The following DNMT3A variants were observed in gnomAD, a reference collection of about 807,000 sequenced individuals.
DNMT3A encodes DNA methyltransferase 3 alpha.
Under a neutral mutation model 117.6 loss-of-function variants are expected in DNMT3A, and 267 were observed. The observed-to-expected ratio is 2.27, with a 90% CI of 2.05 to 2.51. The LOEUF is 2.51. Among genes scored for constraint, DNMT3A ranks in the 30% most tolerant of loss-of-function variants. DNMT3A has a pLI of 0.00. For synonymous variants in DNMT3A, 432 were observed against 474.8 expected, an observed-to-expected ratio of 0.91 and a Z score of 1.17; for missense variants, 1,029 against 1,260.2, an observed-to-expected ratio of 0.82 and a Z score of 2.78.
chr2:25,300,359 C>G (rs947132801), intron 2 of DNMT3A, 116 bp from the exon 3 acceptor site: 1 of 1,184,810 alleles, frequency 8.4e-7, no homozygotes, highest in Non-Finnish European at 1.2e-6. Context: ...TCCTGTCCCA[C>G]GAGCCACACT....
chr2:25,283,037 C>T (rs573298321), intron 3 of DNMT3A, among the ~76,000 whole-genome samples: 179 of 152,210 alleles, frequency 1.2e-3, no homozygotes, highest in Non-Finnish European at 1.8e-3. Context: ...TTACATAGGA[C>T]GTCCAAGCCT....
intron 2 of DNMT3A, among the ~76,000 whole-genome samples, chr2:25,309,302 G>C (rs1257805833): frequency 1.3e-5 from 2 of 152,254 alleles, no homozygotes; most frequent in Non-Finnish European, 2.9e-5. Flanking sequence ...AAGAGGAGCT[G>C]TATGTCCAGG....
At chr2:25,279,926 A>G (rs2031761424) in intron 4 of DNMT3A, among the ~76,000 whole-genome samples, 1 of 152,070 alleles carries the variant, frequency 6.6e-6, no homozygotes, top group African/African-American at 2.4e-5. Flanking sequence ...CCTGACCTCA[A>G]GTCATCTGCC....
At chr2:25,340,675 T>A (rs901833695) in intron 1 of DNMT3A, among the ~76,000 whole-genome samples, 7 of 151,962 alleles carry the variant, frequency 4.6e-5, no homozygotes, top group Non-Finnish European at 1.0e-4. Flanking sequence ...CGTCCTTCAC[T>A]GTGCAGATGC....
intron 3 of DNMT3A, among the ~76,000 whole-genome samples, chr2:25,290,132 T>C (rs76867273): frequency 0.069 from 10,569 of 152,176 alleles, 507 homozygotes; most frequent in Non-Finnish European, 0.1. Context: ...TAACTTTTTA[T>C]TTTTATGGAA....
At chr2:25,308,596 C>T (rs182184468) in intron 2 of DNMT3A, among the ~76,000 whole-genome samples, 12 of 152,020 alleles carry the variant, frequency 7.9e-5, no homozygotes, top group African/African-American at 2.4e-4. Flanking sequence ...GCGCCATTAT[C>T]GCTGGCTGGG....
Position 25,234,572 on chromosome 2 carries a change from G to C in DNMT3A, c.2598-152C>G, listed in dbSNP as rs563802240. On this transcript the variant is annotated intron_variant, in intron 22 of 22. Transcript: ENST00000321117. This position sits in a 1 kb window ranked among gnomAD's most constrained non-coding sequence, Gnocchi z 4.5. The stretch of plus-strand genomic sequence containing the variant: ...ACACCCACCAACTCCTCTGACGCCT[G>C]CTTAGTTCTGCCGAATCTTCTGTCC... The C allele has an allele frequency of 9.1e-5, 76 of 837,766 alleles. No homozygotes were observed. In the African/African-American group the frequency reaches 1.2e-3, roughly 13 times the overall value. 51.9% of individuals were successfully genotyped at this position (837,766 alleles called of 1,614,324 possible).
rs1031997052 is a variant in DNMT3A at position 25,229,842 on chromosome 2, T to C, written c.*4437A>G. 6.6e-6 allele frequency: 1 copy of C among 152,176 alleles called. No individual in the cohort carries two copies. The highest frequency in any genetic ancestry group is 2.4e-5 in the African/African-American group (1 of 41,438). 9.4% of individuals were successfully genotyped at this position (152,176 alleles called of 1,614,324 possible). On this transcript the variant is annotated 3_prime_UTR_variant, in exon 23 of 23. Coordinates refer to ENST00000321117, the MANE Select transcript of DNMT3A (RefSeq NM_022552.5). Reference sequence around the variant, plus strand: ...TGACTGCAGTTTTCCTATAAGAACATCTCCCAGATGGCTCTGCTGAAATAT... The same window carrying C: ...TGACTGCAGTTTTCCTATAAGAACACCTCCCAGATGGCTCTGCTGAAATAT...
intron 1 of DNMT3A, among the ~76,000 whole-genome samples, chr2:25,331,955 C>T (rs1284314723): frequency 6.6e-6 from 1 of 152,000 alleles, no homozygotes; most frequent in Non-Finnish European, 1.5e-5. Context: ...GTTGGCTGAG[C>T]TAGAAACCAG....
chr2:25,243,806 A>G (rs563642007), intron 16 of DNMT3A, 92 bp downstream of exon 16: 1 of 1,323,026 alleles, frequency 7.6e-7, no homozygotes, highest in Non-Finnish European at 1.1e-6. Context: ...TGTGAAGCTA[A>G]CCATCATTTC....
rs911070224 is a variant in DNMT3A at position 25,298,173 on chromosome 2, G to A, written c.177+1966C>T. On this transcript the variant is annotated intron_variant, in intron 3 of 22. Coordinates refer to ENST00000321117, the MANE Select transcript of DNMT3A (RefSeq NM_022552.5). The surrounding 1 kb of genome is among the most constrained non-coding windows in gnomAD (Gnocchi z 4.3). ...AGCAGCAGTTCAAGGTTACACAGGT[G>A]GTCAGTGGTGGAGCCAGAATTTGAA... Among the ~76,000 whole-genome samples the A allele has an allele frequency of 1.3e-5, 2 of 152,200 alleles. No individual in the cohort carries two copies. The highest frequency in any genetic ancestry group is 6.5e-5 in the Admixed American group (1 of 15,288).
At chr2:25,274,760 G>GT (rs1347052103) in intron 6 of DNMT3A, among the ~76,000 whole-genome samples, 181 bp downstream of exon 6, 11 of 152,236 alleles carry the variant, frequency 7.2e-5, no homozygotes, top group Non-Finnish European at 1.5e-4. Flanking sequence ...ACACAGCCAG[G>GT]TATACAGTAA....
chr2:25,240,830 A>C, intron 17 of DNMT3A, 100 bp from the exon 18 acceptor site: 1 of 1,230,016 alleles, frequency 8.1e-7, no homozygotes, highest in African/African-American at 1.5e-5. Flanking sequence ...AAGTCCTTTG[A>C]CACGAAAGAG....
rs906345512 is a variant in DNMT3A at position 25,332,915 on chromosome 2, G to T, written c.-178+8911C>A. ...CTAGACCCTCCCCTGCCTCCAGGCC[G>T]TGGGGCAGAGCCAGAACCCAGCAAA... is the stretch of plus-strand genomic sequence containing the variant. On this transcript the variant is annotated intron_variant, in intron 1 of 22. Coordinates refer to ENST00000321117, the MANE Select transcript of DNMT3A (RefSeq NM_022552.5). Among the ~76,000 whole-genome samples the T allele has an allele frequency of 3.9e-5, 6 of 152,384 alleles. No homozygotes were observed. In the East Asian group the frequency reaches 5.8e-4, roughly 15 times the overall value.
intron 6 of DNMT3A, among the ~76,000 whole-genome samples, chr2:25,268,834 A>G (rs2030605475): frequency 6.6e-6 from 1 of 152,162 alleles, no homozygotes; most frequent in Non-Finnish European, 1.5e-5. Context: ...CATGGTGGAA[A>G]TCTAAGATCT....
Position 25,234,000 on chromosome 2 carries a change from GA to G in DNMT3A, c.*278del, listed in dbSNP as rs996664755. ...AGAGTAGAAAATAAAAGGTCTGACC[GA>G]AAAAAAAGGGAAGGGGGAGGAAGGG... On this transcript the variant is annotated 3_prime_UTR_variant, in exon 23 of 23. Coordinates refer to ENST00000321117, the MANE Select transcript of DNMT3A (RefSeq NM_022552.5). 30 of 311,536 alleles carry G rather than the reference GA, an allele frequency of 9.6e-5. No homozygotes were observed. The highest frequency in any genetic ancestry group is 1.4e-4 in the Non-Finnish European group (24 of 173,182). 19.3% of individuals were successfully genotyped at this position (311,536 alleles called of 1,614,324 possible).
rs1673926759 is a variant in DNMT3A at position 25,240,719 on chromosome 2, C to CCACTCCTGGATCTGGGA, written c.2083-6_2093dup (p.Trp698CysfsTer13). On this transcript the variant is annotated frameshift_variant, in exon 18 of 23. Coordinates refer to ENST00000321117, the MANE Select transcript of DNMT3A (RefSeq NM_022552.5). LOFTEE classifies it high-confidence loss of function. The stretch of plus-strand genomic sequence containing the variant: ...CCCCAATCACCAGATCGAATGGGCC[C>CCACTCCTGGATCTGGGA]CACTCCTGGATCTGGGAGGATAAAG... The CCACTCCTGGATCTGGGA allele has an allele frequency of 6.2e-7, 1 of 1,614,040 alleles. No individual in the cohort carries two copies. Among genetic ancestry groups the CCACTCCTGGATCTGGGA allele is most frequent in the Non-Finnish European group, 8.5e-7 (1 of 1,180,018 alleles).
At chr2:25,275,661 G>T in intron 4 of DNMT3A, 118 bp from the exon 5 acceptor site, 2 of 1,111,416 alleles carry the variant, frequency 1.8e-6, no homozygotes, top group Non-Finnish European at 1.3e-6. Context: ...TCCTCTGGCC[G>T]TTTAGCTGTT....
At chr2:25,313,063 G>A (rs1048366404) in intron 2 of DNMT3A, among the ~76,000 whole-genome samples, 4 of 152,210 alleles carry the variant, frequency 2.6e-5, no homozygotes, top group African/African-American at 4.8e-5. Context: ...GAGGGTGGCA[G>A]TGAGTTCACC....
Sources: allele counts gnomAD v4.1 joint callset (sites outside exome capture counted in the v4.1 genomes callset), GRCh38; gene constraint gnomAD v4.1.1; non-coding constraint Gnocchi (gnomAD v3.1); transcripts MANE v1.5; gene names NCBI Gene and HGNC (gene_info 2026-07-23, HGNC 2026-07-21).